RPN2: variants seen among roughly 807,000 people sequenced by gnomAD.
RPN2 encodes the protein dolichyl-diphosphooligosaccharide--protein glycosyltransferase subunit 2.
Under a neutral mutation model 71.4 loss-of-function variants are expected in RPN2, and 29 were observed. The observed-to-expected ratio is 0.41, with a 90% CI of 0.30 to 0.55. The LOEUF (loss-of-function observed/expected upper bound fraction) is 0.55. Among genes scored for constraint, RPN2 ranks in the 20% least tolerant of loss-of-function variants. RPN2 has a pLI of 0.35. For synonymous variants in RPN2, 308 were observed against 305.0 expected (o/e 1.01, Z -0.10); for missense variants, 726 against 774.1 (o/e 0.94, Z 0.74).
Position 37,209,519 on chromosome 20 carries a change from G to A in RPN2, c.868-528G>A, listed in dbSNP as rs57181410. ...AGGGTTTCCCTCTGTTTTCCAGGCT[G>A]GAGTATAGTGGCGCAATCATAGCTC... is the stretch of plus-strand genomic sequence containing the variant. On this transcript the variant is annotated intron_variant, in intron 7 of 16. Transcript: ENST00000237530. Among the ~76,000 whole-genome samples, 720 of 151,276 alleles carry A rather than the reference G, an allele frequency of 4.8e-3. 3 individuals are homozygous for A. The highest frequency in any genetic ancestry group is 0.017 in the African/African-American group (685 of 41,124).
At position 37,199,190 on chromosome 20, in the gene RPN2, T is replaced by C; in HGVS notation, c.444T>C (p.Leu148=). Reference sequence around the variant, plus strand: ...CATCCCAAGAAGCACTCAGTGCCCTTACTGCTCGTCTCAGCAAGGAGGAGA... The same window carrying C: ...CATCCCAAGAAGCACTCAGTGCCCTCACTGCTCGTCTCAGCAAGGAGGAGA... ...PLASQEALSA[L]TARLSKEETV... The change falls in exon 4 of 17, where the codon CTT becomes CTC. Residue 148 remains leucine, a synonymous_variant. Coordinates refer to ENST00000237530, the MANE Select transcript of RPN2 (RefSeq NM_002951.5). 6.2e-7 allele frequency: 1 copy of C among 1,614,190 alleles called. No individual in the cohort carries two copies. Among genetic ancestry groups the C allele is most frequent in the African/African-American group, 1.3e-5 (1 of 75,062 alleles).
chr20:37,225,657 T>G, intron 10 of RPN2, 31 bp from the exon 11 acceptor site: 1 of 1,432,510 alleles, frequency 7.0e-7, no homozygotes, highest in Non-Finnish European at 9.9e-7. Flanking sequence ...ACTGATCCTC[T>G]CTGAAGACTA....
chr20:37,219,597 G>A (rs938415539), intron 9 of RPN2, among the ~76,000 whole-genome samples: 1 of 152,160 alleles, frequency 6.6e-6, no homozygotes, highest in Admixed American at 6.5e-5. Flanking sequence ...ATGTTTTGTT[G>A]TTGTTGTTTG....
Position 37,195,518 on chromosome 20 carries a change from A to G in RPN2, c.208-2879A>G, listed in dbSNP as rs537720828. The stretch of plus-strand genomic sequence containing the variant: ...ACTTTGGACAAGTTACTTTGCCTTT[A>G]TAATGCCTCAGTTTTCTTACCTGTA... On this transcript the variant is annotated intron_variant, in intron 2 of 16. Transcript: ENST00000237530. Among the ~76,000 whole-genome samples the G allele has an allele frequency of 3.3e-5, 5 of 152,222 alleles. No homozygotes were observed. The East Asian group carries it at 9.6e-4, about 29-fold the overall frequency.
chr20:37,203,754 T>C, intron 4 of RPN2, 131 bp from the exon 5 acceptor site: 1 of 734,630 alleles, frequency 1.4e-6, no homozygotes, highest in South Asian at 1.5e-5. Flanking sequence ...GTAAACTCCT[T>C]AAAGGCTGAG....
chr20:37,195,583 T>C (rs2067238037), intron 2 of RPN2, among the ~76,000 whole-genome samples: 1 of 152,180 alleles, frequency 6.6e-6, no homozygotes, highest in Non-Finnish European at 1.5e-5. Flanking sequence ...TGAGATAGAT[T>C]GGGGATTAAA....
chr20:37,181,339 T>G (rs974741082), intron 1 of RPN2, among the ~76,000 whole-genome samples: 4 of 152,126 alleles, frequency 2.6e-5, no homozygotes, highest in Non-Finnish European at 5.9e-5. Context: ...CTTTGCTTAT[T>G]CCACTCAAGC....
At chr20:37,225,454 A>T (rs764124504) in intron 10 of RPN2, among the ~76,000 whole-genome samples, 53 of 152,178 alleles carry the variant, frequency 3.5e-4, no homozygotes, top group Non-Finnish European at 4.9e-4. Context: ...AAGCATCTGT[A>T]CACAGCATTT....
intron 12 of RPN2, among the ~76,000 whole-genome samples, chr20:37,229,633 A>G (rs1261120251): frequency 6.6e-6 from 1 of 152,110 alleles, no homozygotes; most frequent in African/African-American, 2.4e-5. Flanking sequence ...TCTCTTTTTC[A>G]AATGTGACTA....
chr20:37,234,979 C>T (rs2146707355), intron 15 of RPN2, among the ~76,000 whole-genome samples: 1 of 152,292 alleles, frequency 6.6e-6, no homozygotes, highest in East Asian at 1.9e-4. Flanking sequence ...CACGCCTGGC[C>T]TGACCTTAAT....
intron 7 of RPN2, among the ~76,000 whole-genome samples, chr20:37,207,657 A>T (rs898974247): frequency 2.6e-5 from 4 of 152,008 alleles, no homozygotes; most frequent in Non-Finnish European, 4.4e-5. Flanking sequence ...TATTAAAAAA[A>T]TTTTTTTCCC....
At chr20:37,184,929 T>C (rs1460345862) in intron 2 of RPN2, among the ~76,000 whole-genome samples, 1 of 152,190 alleles carries the variant, frequency 6.6e-6, no homozygotes, top group Admixed American at 6.5e-5. Context: ...CTAGAAACTT[T>C]TACTTCAGCT....
At chr20:37,183,249 CTT>C (rs2066925229) in intron 1 of RPN2, among the ~76,000 whole-genome samples, 1 of 149,914 alleles carries the variant, frequency 6.7e-6, no homozygotes, top group Non-Finnish European at 1.5e-5. Flanking sequence ...GAGTTTTGCT[CTT>C]GTCACTCAGG....
chr20:37,228,380 A>G (rs963954856), intron 11 of RPN2, among the ~76,000 whole-genome samples, 170 bp from the exon 12 acceptor site: 12 of 152,206 alleles, frequency 7.9e-5, no homozygotes, highest in African/African-American at 2.9e-4. Context: ...TGAGCTGGGA[A>G]CTAGGGTGGC....
intron 8 of RPN2, among the ~76,000 whole-genome samples, chr20:37,210,818 C>T (rs2067644558): frequency 6.6e-6 from 1 of 152,174 alleles, no homozygotes; most frequent in South Asian, 2.1e-4. Context: ...AGGCATGAGC[C>T]ACTGTGCCTG....
intron 10 of RPN2, among the ~76,000 whole-genome samples, chr20:37,224,627 A>T (rs1440787311): frequency 1.3e-5 from 2 of 152,210 alleles, no homozygotes; most frequent in African/African-American, 4.8e-5. Flanking sequence ...ACAATTGAAC[A>T]GAGTTGGGCC....
chr20:37,230,184 A>G (rs1055470188), intron 13 of RPN2, 125 bp downstream of exon 13: 3 of 821,270 alleles, frequency 3.7e-6, no homozygotes, highest in Non-Finnish European at 6.4e-6. Flanking sequence ...CACCCTGTGG[A>G]TTAGGCAGGG....
intron 11 of RPN2, 84 bp from the exon 12 acceptor site, chr20:37,228,466 G>C: frequency 1.5e-6 from 2 of 1,345,304 alleles, no homozygotes; most frequent in South Asian, 1.2e-5. Flanking sequence ...GCTAATAACC[G>C]TCTGCTGCCC....
intron 13 of RPN2, 128 bp from the exon 14 acceptor site, chr20:37,232,168 A>G: frequency 8.7e-7 from 1 of 1,152,612 alleles, no homozygotes. Context: ...ACTTGTTGCC[A>G]AGAGGTTTTA....
Sources: allele counts gnomAD v4.1 joint callset (sites outside exome capture counted in the v4.1 genomes callset), GRCh38; gene constraint gnomAD v4.1.1; transcripts MANE v1.5; gene names NCBI Gene and HGNC (gene_info 2026-07-23, HGNC 2026-07-21).